The following GZMK variants were observed in gnomAD, a reference collection of about 807,000 sequenced individuals.
The protein encoded by GZMK is granzyme K.
GZMK carries 18 observed loss-of-function variants against 22.8 expected under a neutral mutation model. The ratio of observed to expected loss-of-function variants is 0.79; its 90% CI spans 0.54 to 1.17. GZMK has a LOEUF of 1.17. Ranked by LOEUF, GZMK falls within the 50% of genes most tolerant of loss-of-function variation. The pLI, the probability that GZMK is intolerant of heterozygous loss-of-function variation, is 0.00. For synonymous variants in GZMK, 136 were observed against 115.0 expected (o/e 1.18, Z -1.17); for missense variants, 342 against 320.2 (o/e 1.07, Z -0.52).
intron 2 of GZMK, among the ~76,000 whole-genome samples, chr5:55,030,163 C>A (rs890622142): frequency 6.6e-6 from 1 of 152,066 alleles, no homozygotes; most frequent in South Asian, 2.1e-4. Context: ...GATTTCACTC[C>A]TTTTTCTTCC....
At chr5:55,031,028 G>C (rs909124710) in intron 3 of GZMK, among the ~76,000 whole-genome samples, 2 of 152,194 alleles carry the variant, frequency 1.3e-5, no homozygotes, top group African/African-American at 4.8e-5. Context: ...ATACTCAAGG[G>C]TCCTATCCGG....
chr5:55,030,771 A>G (rs926424262), intron 3 of GZMK, among the ~76,000 whole-genome samples, 187 bp downstream of exon 3: 1 of 152,170 alleles, frequency 6.6e-6, no homozygotes, highest in Admixed American at 6.5e-5. Context: ...TTTATCACAA[A>G]TGCACCAGGG....
rs1430753037 is a variant in GZMK at position 55,031,607 on chromosome 5, G to A, written c.607G>A (p.Ala203Thr). 1.2e-6 allele frequency: 2 copies of A among 1,613,668 alleles called. No individual in the cohort carries two copies. The highest frequency in any genetic ancestry group is 2.7e-5 in the African/African-American group (2 of 74,912). Residue 203 changes from alanine (A) to threonine (T), a missense_variant, in exon 4 of 5, where the codon GCC (alanine) becomes ACC (threonine). Coordinates refer to ENST00000231009, the MANE Select transcript of GZMK (RefSeq NM_002104.3). The part of the protein sequence containing the change: ...ITKDMVCAGD[A>T]KGQKDSCKGD... ...CAAAGACATGGTCTGTGCAGGAGAT[G>A]CCAAAGGCCAGAAGGATTCCTGTAA... is the stretch of plus-strand genomic sequence containing the variant.
chr5:55,027,261 G>C (rs1306510368), intron 2 of GZMK, among the ~76,000 whole-genome samples: 1 of 152,200 alleles, frequency 6.6e-6, no homozygotes, highest in East Asian at 1.9e-4. Context: ...ACAATTATCT[G>C]TGCCTTCCAT....
intron 2 of GZMK, chr5:55,028,156 C>G (rs1741166917): frequency 6.6e-6 from 1 of 152,178 alleles, no homozygotes; most frequent in African/African-American, 2.4e-5. Flanking sequence ...GAAAGAAACC[C>G]AGACATTTTT....
chr5:55,031,720 G>C, intron 4 of GZMK, 87 bp downstream of exon 4: 1 of 1,074,148 alleles, frequency 9.3e-7, no homozygotes, highest in South Asian at 1.5e-5. Flanking sequence ...GAGGAGGGAG[G>C]GGCATGGAGA....
rs1741282263 is a variant in GZMK at position 55,034,279 on chromosome 5, G to A, written c.*353G>A. Reference sequence around the variant, plus strand: ...CTGGATCATCCTAAGTTGTTGGGTTGTTTTCTTTTCATTGTTGTGATAACA... The same window carrying A: ...CTGGATCATCCTAAGTTGTTGGGTTATTTTCTTTTCATTGTTGTGATAACA... On this transcript the variant is annotated 3_prime_UTR_variant, in exon 5 of 5. Transcript: ENST00000231009. The A allele has an allele frequency of 4.9e-6, 1 of 202,104 alleles. No homozygotes were observed. The highest frequency in any genetic ancestry group is 1.0e-5 in the Non-Finnish European group (1 of 99,242). 12.5% of individuals were successfully genotyped at this position (202,104 alleles called of 1,614,324 possible).
chr5:55,025,923 A>G (rs1162866255), intron 2 of GZMK, among the ~76,000 whole-genome samples: 2 of 152,212 alleles, frequency 1.3e-5, no homozygotes, highest in Admixed American at 6.5e-5. Context: ...CTGATTTCCA[A>G]TTTAATATGG....
intron 2 of GZMK, chr5:55,028,526 A>C (rs1465532945): frequency 1.5e-5 from 2 of 136,422 alleles, no homozygotes; most frequent in African/African-American, 6.0e-5. Context: ...TGCCATAAGC[A>C]AACCCACTCT....
rs1580300304 is a variant in GZMK, at chr5:55,030,647, G to A, written c.363+63G>A. 7 of 1,280,236 alleles carry A rather than the reference G, an allele frequency of 5.5e-6. No homozygotes were observed. In the African/African-American group the frequency reaches 8.8e-5, roughly 16 times the overall value. The allele number at this position is 1,280,236 out of a possible 1,614,324, so 79.3% of individuals were successfully genotyped here. ...ATTTTTATACAGGATGGCTCAATTA[G>A]TTAAATCACCTACAAAATGCATTTT... On this transcript the variant is annotated intron_variant, in intron 3 of 4. Coordinates refer to ENST00000231009, the MANE Select transcript of GZMK (RefSeq NM_002104.3).
chr5:55,030,363 C>T lies in GZMK; in HGVS notation c.213-71C>T, dbSNP rs990494569. 1.6e-5 allele frequency: 23 copies of T among 1,417,786 alleles called. No homozygotes were observed. The African/African-American group carries it at 1.7e-4, about 10-fold the overall frequency. The allele number at this position is 1,417,786 out of a possible 1,614,324, so 87.8% of individuals were successfully genotyped here. Reference sequence around the variant, plus strand: ...TGTTTCTCTGTGTATACAACCCTCTCGACCATCACCACTCCCCACTGGGGG... The same window carrying T: ...TGTTTCTCTGTGTATACAACCCTCTTGACCATCACCACTCCCCACTGGGGG... On this transcript the variant is annotated intron_variant, in intron 2 of 4. Coordinates refer to ENST00000231009, the MANE Select transcript of GZMK (RefSeq NM_002104.3).
chr5:55,029,420 T>C (rs1458687210), intron 2 of GZMK, among the ~76,000 whole-genome samples: 1 of 152,174 alleles, frequency 6.6e-6, no homozygotes, highest in African/African-American at 2.4e-5. Context: ...TTTGTTCTAA[T>C]TGAGGGGACA....
chr5:55,033,773 A>AGG lies in GZMK; in HGVS notation c.646_647dup (p.Pro217AlafsTer3), dbSNP rs1741271553. On this transcript the variant is annotated frameshift_variant, in exon 5 of 5. Transcript: ENST00000231009. LOFTEE classifies it low-confidence loss of function (END_TRUNC). ...CTTTTTCTTCCTTCCAGGGTGACTC[A>AGG]GGGGGCCCCTTGATCTGTAAAGGTG... The AGG allele has an allele frequency of 6.3e-7, 1 of 1,597,840 alleles. No individual in the cohort carries two copies.
Position 55,024,822 on chromosome 5 carries a change from C to A in GZMK, c.212+15C>A. ...TGCCAATATCGGTGAGTCCTCCACA[C>A]TTTTCCAGACATGTGTTTTTTCTGA... On this transcript the variant is annotated intron_variant, in intron 2 of 4. Transcript: ENST00000231009. The A allele has an allele frequency of 6.6e-7, 1 of 1,524,974 alleles. No homozygotes were observed. The highest frequency in any genetic ancestry group is 8.9e-7 in the Non-Finnish European group (1 of 1,123,142). The allele number at this position is 1,524,974 out of a possible 1,614,324, so 94.5% of individuals were successfully genotyped here. A position where few individuals can be genotyped will look rare whatever the true frequency, so the allele number is the denominator to read the frequency against.
intron 2 of GZMK, among the ~76,000 whole-genome samples, chr5:55,029,650 C>T (rs1272416462): frequency 6.6e-6 from 1 of 152,114 alleles, no homozygotes. Flanking sequence ...TCAAGCAATC[C>T]CTCCTGCTTC....
chr5:55,031,739 C>G (rs1741238595), intron 4 of GZMK, 106 bp downstream of exon 4: 1 of 834,988 alleles, frequency 1.2e-6, no homozygotes, highest in Non-Finnish European at 1.9e-6. Flanking sequence ...GAATACAAAA[C>G]CACAATTCTA....
At chr5:55,024,871 G>A in intron 2 of GZMK, 64 bp downstream of exon 2, 1 of 1,058,308 alleles carries the variant, frequency 9.4e-7, no homozygotes, top group Non-Finnish European at 1.4e-6. Flanking sequence ...TACAAGAGAA[G>A]CTTACCTCTC....
At position 55,031,346 on chromosome 5, in the gene GZMK, C is replaced by A. The variant is rs1561258595; in HGVS notation, c.364-18C>A. Reference sequence around the variant, plus strand: ...ACTACTGGGAAAGAAATAATTCCATCTTTTTTCAATCTGTCAGCTTCAAAC... The same window carrying A: ...ACTACTGGGAAAGAAATAATTCCATATTTTTTCAATCTGTCAGCTTCAAAC... On this transcript the variant is annotated intron_variant, in intron 3 of 4. Coordinates refer to ENST00000231009, the MANE Select transcript of GZMK (RefSeq NM_002104.3). 1 of 1,605,154 alleles carries A rather than the reference C, an allele frequency of 6.2e-7. No homozygotes were observed. Among genetic ancestry groups the A allele is most frequent in the Admixed American group, 1.7e-5 (1 of 59,692 alleles).
chr5:55,034,202 G>T lies in GZMK; in HGVS notation c.*276G>T, dbSNP rs1050323281. Reference sequence around the variant, plus strand: ...ACCCACACTCGCCAAAGGGCAATAAGGTCACTGAATAAAACAGTAATGGTA... The same window carrying T: ...ACCCACACTCGCCAAAGGGCAATAATGTCACTGAATAAAACAGTAATGGTA... On this transcript the variant is annotated 3_prime_UTR_variant, in exon 5 of 5. Coordinates refer to ENST00000231009, the MANE Select transcript of GZMK (RefSeq NM_002104.3). 6 of 349,176 alleles carry T rather than the reference G, an allele frequency of 1.7e-5. No individual in the cohort carries two copies. The highest frequency in any genetic ancestry group is 2.6e-5 in the Non-Finnish European group (5 of 192,514). 21.6% of individuals were successfully genotyped at this position (349,176 alleles called of 1,614,324 possible).
Sources: allele counts gnomAD v4.1 joint callset (sites outside exome capture counted in the v4.1 genomes callset), GRCh38; gene constraint gnomAD v4.1.1; transcripts MANE v1.5; gene names NCBI Gene and HGNC (gene_info 2026-07-23, HGNC 2026-07-21).